The following PCDH11X variants were observed in gnomAD, a reference collection of about 807,000 sequenced individuals.
The protein encoded by PCDH11X is protocadherin-11 X-linked.
PCDH11X carries 18 observed loss-of-function variants against 53.3 expected under a neutral mutation model. The observed-to-expected ratio is 0.34, with a 90% CI of 0.23 to 0.50. PCDH11X has a LOEUF of 0.50. Among genes scored for constraint, PCDH11X ranks in the 20% least tolerant of loss-of-function variants. PCDH11X has a pLI of 0.98. For synonymous variants in PCDH11X, 279 were observed against 393.3 expected (o/e 0.71, Z 3.44); for missense variants, 570 against 1,032.4 (o/e 0.55, Z 6.14).
At chrX:92,460,076 C>T (rs1407226064) in intron 9 of PCDH11X, 48 of 991,413 alleles carry the variant, frequency 4.8e-5, no homozygotes, top group Non-Finnish European at 6.0e-5. Context: ...GACCTGAGGG[C>T]TCAGATCTTC....
intron 10 of PCDH11X, among the ~76,000 whole-genome samples, chrX:92,555,809 G>A (rs1277558991): frequency 1.8e-5 from 2 of 111,136 alleles, no homozygotes; most frequent in Admixed American, 1.9e-4. Flanking sequence ...GCTCCTGGAA[G>A]GTCCTTTTGG....
intron 10 of PCDH11X, among the ~76,000 whole-genome samples, chrX:92,540,201 T>C (rs1185261288): frequency 1.8e-5 from 2 of 111,013 alleles, no homozygotes; most frequent in East Asian, 2.9e-4. Context: ...GAGCCAGCAA[T>C]TGTAGTACAA....
chrX:92,562,765 C>A (rs1302488927), intron 10 of PCDH11X, among the ~76,000 whole-genome samples: 1 of 110,148 alleles, frequency 9.1e-6, no homozygotes, highest in Non-Finnish European at 1.9e-5. Context: ...ACAATGCAAC[C>A]AATTTTTTTG....
Position 92,144,267 on chromosome X carries a change from T to C in PCDH11X, c.3034-57108T>C, listed in dbSNP as rs754278032. ...TGGGAAGCCATGATTGGTTTTGAAA[T>C]GTGAGGACATGCGATTTGGAGGGGC... On this transcript the variant is annotated intron_variant, in intron 6 of 10. Transcript: ENST00000682573. Among the ~76,000 whole-genome samples the C allele has an allele frequency of 1.2e-4, 13 of 108,456 alleles. No individual in the cohort carries two copies. The East Asian group carries it at 3.8e-3, about 32-fold the overall frequency. 94.2% of individuals were successfully genotyped at this position (108,456 alleles called of 115,157 possible).
intron 6 of PCDH11X, among the ~76,000 whole-genome samples, chrX:91,951,256 T>C (rs2061638012): frequency 9.1e-6 from 1 of 109,827 alleles, no homozygotes; most frequent in South Asian, 3.9e-4. Context: ...TGCAAGAGAG[T>C]ACTATTTGAA....
At chrX:91,845,900 T>C (rs1937627501) in intron 5 of PCDH11X, among the ~76,000 whole-genome samples, 1 of 110,260 alleles carries the variant, frequency 9.1e-6, no homozygotes, top group South Asian at 3.9e-4. Flanking sequence ...TTTAATTATT[T>C]ATCTAATAGA....
At chrX:91,825,848 A>G (rs1201734474) in intron 4 of PCDH11X, among the ~76,000 whole-genome samples, 3 of 107,662 alleles carry the variant, frequency 2.8e-5, no homozygotes, top group African/African-American at 1.1e-4. Context: ...AATATTATGG[A>G]TCTATACAGT....
intron 6 of PCDH11X, among the ~76,000 whole-genome samples, chrX:91,886,400 A>G (rs1399153079): frequency 9.0e-6 from 1 of 110,956 alleles, no homozygotes; most frequent in Non-Finnish European, 1.9e-5. Flanking sequence ...TGTACTGTAT[A>G]CTTTCTCCCC....
In PCDH11X at chrX:91,835,826, T is replaced by C; in HGVS notation, c.322T>C (p.Tyr108His). ...AGIPRDEHCF[Y>H]EVEVAILPDE... is the part of the protein sequence containing the mutation. ...TATCCCAAGGGATGAGCATTGCTTT[T>C]ATGAAGTGGAGGTTGCCATTTTGCC... Residue 108 changes from tyrosine to histidine, a missense_variant, in exon 5 of 11, where the codon TAT becomes CAT. Coordinates refer to ENST00000682573, the MANE Select transcript of PCDH11X (RefSeq NM_032968.5). The C allele has an allele frequency of 8.3e-7, 1 of 1,210,762 alleles. No homozygotes were observed. Among genetic ancestry groups the C allele is most frequent in the Non-Finnish European group, 1.1e-6 (1 of 895,211 alleles).
intron 9 of PCDH11X, among the ~76,000 whole-genome samples, chrX:92,401,106 C>G (rs5984180): frequency 9.3e-6 from 1 of 107,676 alleles, no homozygotes; most frequent in Non-Finnish European, 1.9e-5. Flanking sequence ...TCACATCTTA[C>G]AATAGCACCA....
At chrX:92,576,490 C>T (rs1415615639) in intron 10 of PCDH11X, among the ~76,000 whole-genome samples, 1 of 92,924 alleles carries the variant, frequency 1.1e-5, no homozygotes, top group Admixed American at 1.3e-4. Context: ...TTTCTTTTTG[C>T]TTTCCTGTAT....
intron 6 of PCDH11X, among the ~76,000 whole-genome samples, chrX:92,008,226 A>G (rs1452925398): frequency 9.1e-6 from 1 of 110,359 alleles, no homozygotes; most frequent in African/African-American, 3.3e-5. Context: ...ACTCACATAC[A>G]CGTTGCAATT....
intron 10 of PCDH11X, among the ~76,000 whole-genome samples, chrX:92,541,796 A>C (rs1451101492): frequency 1.8e-5 from 2 of 109,759 alleles, no homozygotes; most frequent in East Asian, 5.7e-4. Context: ...TTTCAATACA[A>C]AAATTAGCCT....
intron 4 of PCDH11X, among the ~76,000 whole-genome samples, chrX:91,821,265 G>A (rs1211081233): frequency 4.4e-4 from 49 of 110,218 alleles, no homozygotes; most frequent in Middle Eastern, 4.7e-3. Context: ...ACCTTGGGCA[G>A]TATGGCCATT....
intron 6 of PCDH11X, among the ~76,000 whole-genome samples, chrX:92,135,895 A>G (rs1384763904): frequency 9.0e-6 from 1 of 110,879 alleles, no homozygotes; most frequent in Non-Finnish European, 1.9e-5. Context: ...TGATAATGAG[A>G]AAGTAATAGC....
intron 6 of PCDH11X, among the ~76,000 whole-genome samples, chrX:92,021,927 A>T (rs1177202153): frequency 9.2e-6 from 1 of 109,058 alleles, no homozygotes; most frequent in East Asian, 3.1e-4. Flanking sequence ...ACTAAGCTTC[A>T]TAGGCAAAGG....
chrX:92,452,461 GTGTATA>G (rs1166125895), intron 9 of PCDH11X, among the ~76,000 whole-genome samples: 1 of 39,866 alleles, frequency 2.5e-5, no homozygotes, highest in African/African-American at 1.4e-4. Context: ...ATGTGTGTGT[GTGTATA>G]TATATATATA....
chrX:92,547,383 A>G (rs1467415027), intron 10 of PCDH11X, among the ~76,000 whole-genome samples: 1 of 107,121 alleles, frequency 9.3e-6, no homozygotes, highest in Non-Finnish European at 1.9e-5. Flanking sequence ...TGCTTACTTA[A>G]GGTAATATTT....
intron 9 of PCDH11X, among the ~76,000 whole-genome samples, chrX:92,421,248 C>T (rs1211573665): frequency 8.9e-6 from 1 of 111,965 alleles, no homozygotes. Context: ...TAGTTTTTCT[C>T]TCCTTAGCCT....
Sources: allele counts gnomAD v4.1 joint callset (sites outside exome capture counted in the v4.1 genomes callset), GRCh38; gene constraint gnomAD v4.1.1; transcripts MANE v1.5; gene names NCBI Gene and HGNC (gene_info 2026-07-23, HGNC 2026-07-21).